CACYBP: variants seen among roughly 807,000 people sequenced by gnomAD.
CACYBP encodes the protein calcyclin-binding protein.
Under a neutral mutation model 29.6 loss-of-function variants are expected in CACYBP, and 11 were observed. That is an observed-to-expected ratio of 0.37 (90% CI 0.23 to 0.61). The LOEUF (loss-of-function observed/expected upper bound fraction) is 0.61. CACYBP is among the 20% of genes least tolerant of loss of function. CACYBP has a pLI of 0.65. For missense variants in CACYBP, 163 were observed against 260.7 expected (o/e 0.63, Z 2.58); for synonymous variants, 73 against 88.3 (o/e 0.83, Z 0.97).
At chr1:175,004,289 C>CA (rs35619535) in intron 1 of CACYBP, among the ~76,000 whole-genome samples, 2 of 151,604 alleles carry the variant, frequency 1.3e-5, no homozygotes, top group Non-Finnish European at 2.9e-5. Flanking sequence ...AATCCTTTGT[C>CA]AAAAAAAAGT....
intron 1 of CACYBP, among the ~76,000 whole-genome samples, chr1:175,003,537 T>C (rs1672545437): frequency 6.6e-6 from 1 of 152,236 alleles, no homozygotes. Context: ...GTTATTGCAT[T>C]TTATAAGACT....
chr1:175,006,702 T>G (rs1056701075), intron 2 of CACYBP, 43 bp from the exon 3 acceptor site: 1 of 988,620 alleles, frequency 1.0e-6, no homozygotes, highest in Admixed American at 1.7e-5. Context: ...TAAAGATAGT[T>G]TCAGAGGCTT....
chr1:175,002,550 A>G (rs1672518645), intron 1 of CACYBP, among the ~76,000 whole-genome samples: 1 of 152,244 alleles, frequency 6.6e-6, no homozygotes, highest in African/African-American at 2.4e-5. Context: ...TAAAAGAGAA[A>G]TAAAATTTTT....
chr1:175,006,467 A>T (rs1283109551), intron 2 of CACYBP: 1 of 244,592 alleles, frequency 4.1e-6, no homozygotes, highest in Non-Finnish European at 7.8e-6. Flanking sequence ...TCATATTTTT[A>T]TTCTGAGGGA....
intron 1 of CACYBP, among the ~76,000 whole-genome samples, chr1:175,004,296 A>C (rs1479253387): frequency 6.6e-6 from 1 of 152,248 alleles, no homozygotes; most frequent in East Asian, 1.9e-4. Flanking sequence ...TGTCAAAAAA[A>C]AGTTCTTTGT....
At position 175,011,718 on chromosome 1, in the gene CACYBP, A is replaced by AAAG. The variant is rs1574113480; in HGVS notation, c.*1643_*1645dup. The AAAG allele has an allele frequency of 6.6e-6, 1 of 152,244 alleles. No homozygotes were observed. Among genetic ancestry groups the AAAG allele is most frequent in the African/African-American group, 2.4e-5 (1 of 41,458 alleles). 9.4% of individuals were successfully genotyped at this position (152,244 alleles called of 1,614,324 possible). On this transcript the variant is annotated 3_prime_UTR_variant, in exon 6 of 6. Coordinates refer to ENST00000367679, the MANE Select transcript of CACYBP (RefSeq NM_014412.3). ...CCAGTGTTTTTACCTTTCACTTGAA[A>AAAG]AAGAAGTATAAAAACAACTGTATTG...
Position 175,004,826 on chromosome 1 carries a change from T to C in CACYBP, c.228T>C (p.Ser76=). 1 of 1,602,604 alleles carries C rather than the reference T, an allele frequency of 6.2e-7. No homozygotes were observed. The highest frequency in any genetic ancestry group is 8.6e-7 in the Non-Finnish European group (1 of 1,169,470). Reference sequence around the variant, plus strand: ...CAACGGGCTATACGGTGAAAATCAGTAATTATGGTATGACTTGCTTCCCTA... The same window carrying C: ...CAACGGGCTATACGGTGAAAATCAGCAATTATGGTATGACTTGCTTCCCTA... ...PITTGYTVKI[S]NYGWDQSDKF... The change falls in exon 2 of 6, where the codon AGT becomes AGC. Residue 76 remains serine, a synonymous_variant. Coordinates refer to ENST00000367679, the MANE Select transcript of CACYBP (RefSeq NM_014412.3).
At chr1:175,006,507 AC>A in intron 2 of CACYBP, 1 of 327,002 alleles carries the variant, frequency 3.1e-6, no homozygotes, top group East Asian at 5.3e-5. Context: ...GTATTCAGAA[AC>A]CTGGATTTGA....
rs1319458424 is a variant in CACYBP, at chr1:175,011,327, A to AAGTT, written c.*1250_*1253dup. 1.3e-5 allele frequency: 2 copies of AAGTT among 152,132 alleles called. No homozygotes were observed. Among genetic ancestry groups the AAGTT allele is most frequent in the Non-Finnish European group, 1.5e-5 (1 of 68,018 alleles). 9.4% of individuals were successfully genotyped at this position (152,132 alleles called of 1,614,324 possible). On this transcript the variant is annotated 3_prime_UTR_variant, in exon 6 of 6. Transcript: ENST00000367679. Reference sequence around the variant, plus strand: ...AGAATAGCAGACACAATGCATATGAAAGTTACAGAATATGGTAAAAGTGGG... The same window carrying AAGTT: ...AGAATAGCAGACACAATGCATATGAAAGTTAGTTACAGAATATGGTAAAAGTGGG...
chr1:175,002,370 C>T (rs1167926133), intron 1 of CACYBP, among the ~76,000 whole-genome samples: 1 of 151,948 alleles, frequency 6.6e-6, no homozygotes, highest in Admixed American at 6.6e-5. Context: ...TGCGTTTACC[C>T]AATGATGAAG....
intron 5 of CACYBP, among the ~76,000 whole-genome samples, chr1:175,009,201 GTT>G (rs972801933): frequency 7.2e-5 from 11 of 152,012 alleles, no homozygotes; most frequent in African/African-American, 2.4e-4. Flanking sequence ...TAAGAGGAGA[GTT>G]TTTCTAATTA....
Position 175,010,603 on chromosome 1 carries a change from T to TTCTA in CACYBP, c.*529_*532dup, listed in dbSNP as rs1474662823. 3 of 152,364 alleles carry TTCTA rather than the reference T, an allele frequency of 2.0e-5. No individual in the cohort carries two copies. Among genetic ancestry groups the TTCTA allele is most frequent in the East Asian group, 3.9e-4 (2 of 5,192 alleles). 9.4% of individuals were successfully genotyped at this position (152,364 alleles called of 1,614,324 possible). A position where few individuals can be genotyped will look rare whatever the true frequency, so the allele number is the denominator to read the frequency against. On this transcript the variant is annotated 3_prime_UTR_variant, in exon 6 of 6. Transcript: ENST00000367679. Reference sequence around the variant, plus strand: ...CATGCACTAATTCAATCACAGGTGTTTCTATCTAGATTTAAATATATTTGT... The same window carrying TTCTA: ...CATGCACTAATTCAATCACAGGTGTTTCTATCTATCTAGATTTAAATATATTTGT...
chr1:175,007,235 T>C (rs186009547), intron 4 of CACYBP, 38 bp downstream of exon 4: 1 of 1,262,584 alleles, frequency 7.9e-7, no homozygotes, highest in African/African-American at 1.5e-5. Flanking sequence ...TTGTGAAACC[T>C]TACCAAATTG....
upstream of CACYBP, chr1:174,999,795 A>G: frequency 2.7e-6 from 1 of 366,400 alleles, no homozygotes; most frequent in Non-Finnish European, 5.0e-6. Context: ...CAGGGCGGAG[A>G]GCAAGACATT....
chr1:175,008,228 G>A (rs776305580), intron 4 of CACYBP, among the ~76,000 whole-genome samples: 2 of 151,846 alleles, frequency 1.3e-5, no homozygotes, highest in Non-Finnish European at 2.9e-5. Context: ...CACTCCTCCT[G>A]CTCCTCAAAC....
rs557438039 is a variant in CACYBP, at chr1:175,001,051, C to G, written c.15+856C>G. Among the ~76,000 whole-genome samples the G allele has an allele frequency of 9.2e-5, 14 of 152,260 alleles. No individual in the cohort carries two copies. The East Asian group carries it at 1.7e-3, about 19-fold the overall frequency. ...TTTATGAAAACAAGTACTGGGGAGT[C>G]CCAAGCTTTTGTTTTGTTTTGTTTT... On this transcript the variant is annotated intron_variant, in intron 1 of 5. Coordinates refer to ENST00000367679, the MANE Select transcript of CACYBP (RefSeq NM_014412.3).
intron 1 of CACYBP, 104 bp from the exon 2 acceptor site, chr1:175,004,510 C>G (rs918659431): frequency 5.9e-6 from 4 of 683,748 alleles, no homozygotes; most frequent in African/African-American, 5.5e-5. Flanking sequence ...AGATGAACTT[C>G]TTAATTCTTA....
chr1:174,999,791 G>T, upstream of CACYBP: 1 of 350,262 alleles, frequency 2.9e-6, no homozygotes, highest in Non-Finnish European at 5.3e-6. Context: ...TTGTCAGGGC[G>T]GAGAGCAAGA....
intron 1 of CACYBP, 126 bp downstream of exon 1, chr1:175,000,321 G>A: frequency 6.8e-7 from 1 of 1,479,622 alleles, no homozygotes; most frequent in Non-Finnish European, 9.0e-7. Context: ...CAGTCAGTGC[G>A]CCGCCTTCCC....
Sources: allele counts gnomAD v4.1 joint callset (sites outside exome capture counted in the v4.1 genomes callset), GRCh38; gene constraint gnomAD v4.1.1; transcripts MANE v1.5; gene names NCBI Gene and HGNC (gene_info 2026-07-23, HGNC 2026-07-21).